Variants in COG5 observed in about 807,000 individuals in gnomAD.
COG5 encodes component of oligomeric golgi complex 5, also known as conserved oligomeric Golgi complex subunit 5.
In COG5, 86 loss-of-function variants were observed where a neutral mutation model predicts 110.4. The observed-to-expected ratio is 0.78, with a 90% CI of 0.65 to 0.93. The LOEUF is 0.93. Ranked by LOEUF, COG5 falls within the 40% of genes least tolerant of loss-of-function variation. The pLI is 0.00. For synonymous variants in COG5, 360 were observed against 334.6 expected (o/e 1.08, Z -0.83); for missense variants, 1,077 against 987.0 (o/e 1.09, Z -1.22).
chr7:107,552,148 G>T (rs1005672804), intron 3 of COG5, among the ~76,000 whole-genome samples: 1 of 152,124 alleles, frequency 6.6e-6, no homozygotes, highest in African/African-American at 2.4e-5. Flanking sequence ...TTCTGTTGCG[G>T]TGATTCATCT....
At chr7:107,295,721 A>G (rs1049573697) in intron 12 of COG5, among the ~76,000 whole-genome samples, 4 of 152,190 alleles carry the variant, frequency 2.6e-5, no homozygotes, top group African/African-American at 9.7e-5. Context: ...AAGTGACAAT[A>G]ATATCCTATT....
chr7:107,279,281 G>A (rs910195130), intron 14 of COG5, among the ~76,000 whole-genome samples: 2 of 152,072 alleles, frequency 1.3e-5, no homozygotes, highest in African/African-American at 4.8e-5. Flanking sequence ...TAAAAAGTCA[G>A]GAAACAACAG....
At chr7:107,212,301 C>T (rs180707878) in intron 19 of COG5, among the ~76,000 whole-genome samples, 84 of 152,246 alleles carry the variant, frequency 5.5e-4, no homozygotes, top group Middle Eastern at 3.4e-3. Context: ...TTGTCTATCA[C>T]CAGAAAGCCA....
At chr7:107,540,201 G>A (rs1414361284) in intron 5 of COG5, among the ~76,000 whole-genome samples, 1 of 152,170 alleles carries the variant, frequency 6.6e-6, no homozygotes, top group Non-Finnish European at 1.5e-5. Flanking sequence ...AACAACAGTA[G>A]AAAGACCTAA....
chr7:107,376,968 T>C (rs1278267886), intron 7 of COG5, among the ~76,000 whole-genome samples: 2 of 152,174 alleles, frequency 1.3e-5, no homozygotes, highest in African/African-American at 2.4e-5. Context: ...TGTGGCTACA[T>C]TTACTAACAC....
intron 7 of COG5, among the ~76,000 whole-genome samples, chr7:107,403,340 T>G (rs1201352542): frequency 6.6e-6 from 1 of 152,046 alleles, no homozygotes; most frequent in Non-Finnish European, 1.5e-5. Context: ...GCCAGCAGTT[T>G]GGGTATCTGA....
intron 6 of COG5, among the ~76,000 whole-genome samples, chr7:107,508,053 C>T (rs973378047): frequency 6.6e-6 from 1 of 152,206 alleles, no homozygotes; most frequent in African/African-American, 2.4e-5. Flanking sequence ...GTGCAACGCA[C>T]CATGCACGAG....
Position 107,209,897 on chromosome 7 carries a change from G to A in COG5, c.2375+629C>T, listed in dbSNP as rs867777571. On this transcript the variant is annotated intron_variant, in intron 21 of 21. Coordinates refer to ENST00000297135, the MANE Select transcript of COG5 (RefSeq NM_006348.5). ...AAATGGGAATGTTTGGTGGCTGAGA[G>A]GTCTCTGGTGATGGTGAGAGCAGTT... The A allele has an allele frequency of 1.2e-4, 117 of 986,060 alleles. No individual in the cohort carries two copies. In the Middle Eastern group the frequency reaches 6.8e-3, roughly 57 times the overall value. 61.1% of individuals were successfully genotyped at this position (986,060 alleles called of 1,614,324 possible).
chr7:107,330,481 TAAAC>T (rs929898154), intron 10 of COG5, among the ~76,000 whole-genome samples: 6 of 152,214 alleles, frequency 3.9e-5, no homozygotes, highest in Middle Eastern at 3.2e-3. Flanking sequence ...AATTAATACT[TAAAC>T]AAAACAGCTT....
intron 19 of COG5, among the ~76,000 whole-genome samples, chr7:107,229,944 T>G (rs138377597): frequency 0.013 from 1,966 of 149,026 alleles, 51 homozygotes; most frequent in African/African-American, 0.045. Context: ...TCTGACTCCC[T>G]GGTTCAAGCG....
At chr7:107,428,602 T>C (rs1793805027) in intron 6 of COG5, among the ~76,000 whole-genome samples, 1 of 152,226 alleles carries the variant, frequency 6.6e-6, no homozygotes, top group Non-Finnish European at 1.5e-5. Context: ...CCTCCAGAAC[T>C]ATGTAAGAAT....
intron 7 of COG5, among the ~76,000 whole-genome samples, chr7:107,400,707 G>A (rs1001805722): frequency 6.6e-6 from 1 of 152,030 alleles, no homozygotes; most frequent in Admixed American, 6.6e-5. Context: ...TCTAAAAGCA[G>A]ACAGTTAATT....
chr7:107,422,020 C>T (rs1378545846), intron 6 of COG5, among the ~76,000 whole-genome samples: 1 of 151,736 alleles, frequency 6.6e-6, no homozygotes, highest in Non-Finnish European at 1.5e-5. Context: ...AAAAAGGTCT[C>T]AAATCAATAA....
intron 12 of COG5, among the ~76,000 whole-genome samples, chr7:107,296,995 C>A (rs1275740557): frequency 6.6e-6 from 1 of 152,174 alleles, no homozygotes; most frequent in Non-Finnish European, 1.5e-5. Flanking sequence ...AATACTCTTT[C>A]AATTTTGGAG....
chr7:107,476,759 T>C (rs1047634866), intron 6 of COG5, among the ~76,000 whole-genome samples: 5 of 151,716 alleles, frequency 3.3e-5, no homozygotes, highest in African/African-American at 4.8e-5. Flanking sequence ...TTTCTGAAAC[T>C]GTATCCACTA....
intron 6 of COG5, among the ~76,000 whole-genome samples, chr7:107,513,314 C>T (rs1176155550): frequency 2.0e-5 from 3 of 151,852 alleles, no homozygotes; most frequent in Admixed American, 1.3e-4. Flanking sequence ...TCATCACTGG[C>T]CATCAGAGAA....
chr7:107,298,160 G>C lies in COG5; in HGVS notation c.1295C>G (p.Pro432Arg). 1 of 1,583,226 alleles carries C rather than the reference G, an allele frequency of 6.3e-7. No individual in the cohort carries two copies. Among genetic ancestry groups the C allele is most frequent in the Non-Finnish European group, 8.6e-7 (1 of 1,163,098 alleles). Residue 432 changes from proline to arginine, a missense_variant, in exon 12 of 22, where the codon CCA (proline) becomes CGA (arginine). Coordinates refer to ENST00000297135, the MANE Select transcript of COG5 (RefSeq NM_006348.5). ...AACATACTCATAATCTGGCTTTTTT[G>C]GTATGAATATATCTTGTGCATCATC... ...MEDDAQDIFI[P>R]KKPDYDPEKA...
intron 12 of COG5, among the ~76,000 whole-genome samples, chr7:107,288,911 T>A (rs6967638): frequency 4.1e-4 from 2 of 4,892 alleles, no homozygotes; most frequent in African/African-American, 1.9e-3. Flanking sequence ...AACAGAGATA[T>A]ATATATATAT....
At chr7:107,203,926 TTTCCCTGC>T (rs1258996241) in intron 21 of COG5, among the ~76,000 whole-genome samples, 1 of 152,182 alleles carries the variant, frequency 6.6e-6, no homozygotes, top group African/African-American at 2.4e-5. Context: ...CAATTTCCCT[TTTCCCTGC>T]TTCCCTACTG....
Sources: gnomAD v4.1 joint callset for allele counts (sites outside exome capture counted in the v4.1 genomes callset) on GRCh38, gnomAD v4.1.1 for gene constraint, MANE v1.5 for transcripts, NCBI Gene and HGNC (gene_info 2026-07-23, HGNC 2026-07-21) for gene names.